Variants in PLEKHD1 observed in about 807,000 individuals in gnomAD.
PLEKHD1 encodes the protein pleckstrin homology domain-containing family D member 1.
A neutral mutation model predicts 69.2 loss-of-function variants in PLEKHD1; 51 were observed. That is an observed-to-expected ratio of 0.74 (90% CI 0.59 to 0.93). PLEKHD1 has a LOEUF of 0.93. Among genes scored for constraint, PLEKHD1 ranks in the 40% least tolerant of loss-of-function variants. The pLI is 0.00. For missense variants in PLEKHD1, 584 were observed against 641.0 expected (o/e 0.91, Z 0.96); for synonymous variants, 236 against 244.7 (o/e 0.96, Z 0.33).
chr14:69,510,066 A>AT (rs1222921858), intron 6 of PLEKHD1, among the ~76,000 whole-genome samples: 1 of 151,662 alleles, frequency 6.6e-6, no homozygotes, highest in Non-Finnish European at 1.5e-5. Flanking sequence ...ATATTTGTTT[A>AT]TTTTTTCATC....
intron 6 of PLEKHD1, among the ~76,000 whole-genome samples, chr14:69,511,695 G>A (rs755789688): frequency 3.3e-5 from 5 of 152,014 alleles, no homozygotes; most frequent in Non-Finnish European, 7.4e-5. Flanking sequence ...GATTACAGGT[G>A]TGCGCCACCA....
chr14:69,477,283 C>T, the PLEKHD1 span, among the ~76,000 whole-genome samples: 3 of 152,154 alleles, frequency 2.0e-5, no homozygotes, highest in Non-Finnish European at 2.9e-5. Flanking sequence ...GAGAACAGCA[C>T]AGGAAAGACC....
intron 4 of PLEKHD1, chr14:69,501,192 G>A (rs1367088660): frequency 3.5e-6 from 2 of 567,258 alleles, no homozygotes; most frequent in Non-Finnish European, 6.3e-6. Context: ...TCCAACTCTT[G>A]GGAGTTGTAT....
Position 69,522,963 on chromosome 14 carries a change from T to G in PLEKHD1, c.650+586T>G, listed in dbSNP as rs188352963. Among the ~76,000 whole-genome samples the G allele has an allele frequency of 1.5e-3, 235 of 152,260 alleles. 2 individuals are homozygous for G. Among genetic ancestry groups the G allele is most frequent in the African/African-American group, 5.5e-3 (229 of 41,538 alleles). On this transcript the variant is annotated intron_variant, in intron 7 of 12. Coordinates refer to ENST00000322564, the MANE Select transcript of PLEKHD1 (RefSeq NM_001161498.2). ...GTTTGTTTGTTTTTGAGACAGAGTC[T>G]CACTCTGTCACCCAGGCTGGAGTGC...
chr14:69,473,078 A>G, the PLEKHD1 span, among the ~76,000 whole-genome samples: 13 of 152,150 alleles, frequency 8.5e-5, no homozygotes, highest in Non-Finnish European at 1.8e-4. Context: ...CAGGGCTCCC[A>G]CTGATTCTAC....
intron 4 of PLEKHD1, chr14:69,501,244 A>G: frequency 2.1e-6 from 1 of 484,508 alleles, no homozygotes; most frequent in South Asian, 2.4e-5. Flanking sequence ...CAGGCCCATA[A>G]TTAATTCTAG....
chr14:69,471,637 G>C, the PLEKHD1 span, among the ~76,000 whole-genome samples: 1 of 152,114 alleles, frequency 6.6e-6, no homozygotes, highest in Non-Finnish European at 1.5e-5. Context: ...CATCGCAGGG[G>C]CTGGCCAGCA....
At chr14:69,524,357 G>A in intron 8 of PLEKHD1, 35 bp downstream of exon 8, 3 of 1,527,994 alleles carry the variant, frequency 2.0e-6, no homozygotes, top group Non-Finnish European at 2.7e-6. Flanking sequence ...TGACCAGGTG[G>A]CAGGCTGGTT....
At chr14:69,499,773 G>C (rs1434645087) in intron 1 of PLEKHD1, among the ~76,000 whole-genome samples, 1 of 152,216 alleles carries the variant, frequency 6.6e-6, no homozygotes, top group African/African-American at 2.4e-5. Context: ...CTGGAGGTGA[G>C]AGCTCAAGGG....
intron 6 of PLEKHD1, among the ~76,000 whole-genome samples, chr14:69,506,885 C>A (rs1023692633): frequency 2.4e-5 from 3 of 127,574 alleles, no homozygotes; most frequent in African/African-American, 1.0e-4. Context: ...AAAATCCTGG[C>A]AACTGCTTTT....
upstream of PLEKHD1, among the ~76,000 whole-genome samples, chr14:69,483,057 A>G (rs1882574879): frequency 6.6e-6 from 1 of 152,168 alleles, no homozygotes. Context: ...CCGGGCTCTC[A>G]TCATCTTCCC....
chr14:69,527,436 G>C lies in PLEKHD1; in HGVS notation c.1201+104G>C. The C allele has an allele frequency of 2.0e-6, 3 of 1,466,720 alleles. No homozygotes were observed. The South Asian group carries it at 3.7e-5, about 18-fold the overall frequency. The allele number at this position is 1,466,720 out of a possible 1,614,324, so 90.9% of individuals were successfully genotyped here. A position where few individuals can be genotyped will look rare whatever the true frequency, so the allele number is the denominator to read the frequency against. On this transcript the variant is annotated intron_variant, in intron 11 of 12. Coordinates refer to ENST00000322564, the MANE Select transcript of PLEKHD1 (RefSeq NM_001161498.2). Reference sequence around the variant, plus strand: ...AACCCACACAGGGTCTGCTAGGCATGAGGTGCTCCCTGGATATTGAAGGGT... The same window carrying C: ...AACCCACACAGGGTCTGCTAGGCATCAGGTGCTCCCTGGATATTGAAGGGT...
At chr14:69,505,938 C>T (rs949612743) in intron 6 of PLEKHD1, among the ~76,000 whole-genome samples, 20 of 152,192 alleles carry the variant, frequency 1.3e-4, no homozygotes, top group African/African-American at 4.3e-4. Context: ...CCTACCTTTC[C>T]CCTTCTGACT....
At chr14:69,501,660 C>T in intron 4 of PLEKHD1, 74 bp from the exon 5 acceptor site, 4 of 1,193,830 alleles carry the variant, frequency 3.4e-6, no homozygotes, top group Non-Finnish European at 4.7e-6. Flanking sequence ...TCTCTTTCCC[C>T]TCTACCCTTC....
chr14:69,512,212 T>C (rs1883286176), intron 6 of PLEKHD1, among the ~76,000 whole-genome samples: 1 of 150,698 alleles, frequency 6.6e-6, no homozygotes, highest in Non-Finnish European at 1.5e-5. Context: ...TTATTATCCT[T>C]TTAATGTCAG....
At chr14:69,527,481 C>T (rs1883682489) in intron 11 of PLEKHD1, 149 bp downstream of exon 11, 1 of 1,185,534 alleles carries the variant, frequency 8.4e-7, no homozygotes, top group Non-Finnish European at 1.2e-6. Context: ...AGTTACCTGC[C>T]TGCAGGCATC....
chr14:69,489,558 C>CA (rs1166429791), intron 1 of PLEKHD1, among the ~76,000 whole-genome samples: 2,120 of 59,280 alleles, frequency 0.036, 135 homozygotes, highest in African/African-American at 0.086. Flanking sequence ...TACTCCATCT[C>CA]AAAAAAAAAA....
chr14:69,515,744 G>A (rs1333109637), intron 6 of PLEKHD1, among the ~76,000 whole-genome samples: 2 of 152,180 alleles, frequency 1.3e-5, no homozygotes, highest in African/African-American at 2.4e-5. Context: ...CAGATCTCAT[G>A]TGTACTCAGA....
chr14:69,494,909 G>T (rs1882853853), intron 1 of PLEKHD1, among the ~76,000 whole-genome samples: 2 of 152,170 alleles, frequency 1.3e-5, no homozygotes, highest in African/African-American at 2.4e-5. Flanking sequence ...AAATTTGCTT[G>T]CCAGGTGAGC....
Sources: gnomAD v4.1 joint callset for allele counts (sites outside exome capture counted in the v4.1 genomes callset) on GRCh38, gnomAD v4.1.1 for gene constraint, MANE v1.5 for transcripts, NCBI Gene and HGNC (gene_info 2026-07-23, HGNC 2026-07-21) for gene names.